Variants in ACADM observed in about 807,000 individuals in gnomAD.
ACADM encodes medium-chain specific acyl-CoA dehydrogenase, mitochondrial.
ACADM carries 49 observed loss-of-function variants against 58.9 expected under a neutral mutation model. The ratio of observed to expected loss-of-function variants is 0.83; its 90% CI spans 0.66 to 1.06. The LOEUF is 1.06. Among genes scored for constraint, ACADM ranks in the 50% least tolerant of loss-of-function variants. The pLI is 0.00. For missense variants in ACADM, 496 were observed against 507.0 expected (o/e 0.98, Z 0.21); for synonymous variants, 160 against 157.7 (o/e 1.01, Z -0.11).
intron 6 of ACADM, among the ~76,000 whole-genome samples, chr1:75,736,261 CAT>C (rs1220170922): frequency 6.6e-6 from 1 of 151,442 alleles, no homozygotes; most frequent in East Asian, 1.9e-4. Context: ...TTTACTCAAA[CAT>C]ATTTCAATCT....
rs1478830165 is a variant in ACADM, at chr1:75,734,820, T to C, written c.417T>C (p.Asp139=). 3.1e-6 allele frequency: 5 copies of C among 1,613,944 alleles called. No homozygotes were observed. The highest frequency in any genetic ancestry group is 4.2e-6 in the Non-Finnish European group (5 of 1,179,884). The change falls in exon 6 of 12, where the codon GAT becomes GAC. Residue 139 remains aspartate, a synonymous_variant. Coordinates refer to ENST00000370841, the MANE Select transcript of ACADM (RefSeq NM_000016.6). ...GQMPIIIAGN[D]QQKKKYLGRM... ...TGCCTATTATTATTGCTGGAAATGA[T>C]CAACAAAAGAAGAAGTATTTGGGGA...
chr1:75,726,163 C>T (rs1647052242), intron 1 of ACADM, among the ~76,000 whole-genome samples: 1 of 152,088 alleles, frequency 6.6e-6, no homozygotes, highest in Admixed American at 6.5e-5. Context: ...ATCCTAGCAC[C>T]TTGGGAGGCC....
intron 6 of ACADM, among the ~76,000 whole-genome samples, chr1:75,735,319 CAAAAA>C (rs33952162): frequency 9.8e-6 from 1 of 101,816 alleles, no homozygotes. Context: ...GACCCTGTCT[CAAAAA>C]AAAAAAAAAA....
rs1194135678 is a variant in ACADM, at chr1:75,754,024, G to C, written c.945+3478G>C. ...TTACCTAGGCTGGTCTCGAACTCCTGAGCTTGAGTAATCCGCCCATCTTGG... is the reference window on the plus strand; with the variant it reads ...TTACCTAGGCTGGTCTCGAACTCCTCAGCTTGAGTAATCCGCCCATCTTGG... On this transcript the variant is annotated intron_variant, in intron 10 of 11. Transcript: ENST00000370841. Among the ~76,000 whole-genome samples the C allele has an allele frequency of 6.2e-5, 9 of 146,138 alleles. No individual in the cohort carries two copies. In the East Asian group the frequency reaches 1.8e-3, roughly 29 times the overall value.
In ACADM at chr1:75,750,587, C is replaced by CAAATGTAAATAT; in HGVS notation, c.945+41_945+42insAAATGTAAATAT. On this transcript the variant is annotated intron_variant, in intron 10 of 11. Transcript: ENST00000370841. ...CTTGCTTTGTTCAAATGTAAAGACA[C>CAAATGTAAATAT]TCATTTTCATTTAATATTTAGAAAT... The CAAATGTAAATAT allele has an allele frequency of 2.4e-6, 3 of 1,267,700 alleles. No individual in the cohort carries two copies. The South Asian group carries it at 3.7e-5, about 16-fold the overall frequency. 78.5% of individuals were successfully genotyped at this position (1,267,700 alleles called of 1,614,324 possible).
In ACADM at chr1:75,735,319, C is replaced by CAAAAA. The variant is rs33952162; in HGVS notation, c.468+464_468+468dup. 7.9e-5 allele frequency among the ~76,000 whole-genome samples: 8 copies of CAAAAA among 101,806 alleles called. 1 individual carries two copies. Among genetic ancestry groups the CAAAAA allele is most frequent in the African/African-American group, 2.0e-4 (5 of 25,348 alleles). The allele number at this position is 101,806 out of a possible 152,430, so 66.8% of individuals were successfully genotyped here. A position where few individuals can be genotyped will look rare whatever the true frequency, so the allele number is the denominator to read the frequency against. ...CGACAGAGTGAGTGAGACCCTGTCT[C>CAAAAA]AAAAAAAAAAAAAAAAAAAAGGTGT... On this transcript the variant is annotated intron_variant, in intron 6 of 11. Coordinates refer to ENST00000370841, the MANE Select transcript of ACADM (RefSeq NM_000016.6).
At chr1:75,735,458 G>T (rs1647231279) in intron 6 of ACADM, among the ~76,000 whole-genome samples, 1 of 152,074 alleles carries the variant, frequency 6.6e-6, no homozygotes, top group Non-Finnish European at 1.5e-5. Context: ...GCTCTATTTA[G>T]TGGAGCATTC....
intron 10 of ACADM, among the ~76,000 whole-genome samples, chr1:75,758,833 C>G (rs1367221737): frequency 2.0e-5 from 3 of 151,598 alleles, no homozygotes; most frequent in Non-Finnish European, 4.4e-5. Context: ...GTAAAATGGA[C>G]CAATCAGCAG....
Position 75,724,847 on chromosome 1 carries a change from C to T in ACADM, c.30+30C>T, listed in dbSNP as rs757646242. The T allele has an allele frequency of 2.1e-6, 3 of 1,458,648 alleles. No individual in the cohort carries two copies. The African/African-American group carries it at 4.4e-5, about 21-fold the overall frequency. 90.4% of individuals were successfully genotyped at this position (1,458,648 alleles called of 1,614,324 possible). A position where few individuals can be genotyped will look rare whatever the true frequency, so the allele number is the denominator to read the frequency against. ...GAGGGAGCCCAGCGGTGCGGTGGGG[C>T]TGGAACATGGGTATTGTGGTGTCGG... On this transcript the variant is annotated intron_variant, in intron 1 of 11. Transcript: ENST00000370841.
intron 1 of ACADM, among the ~76,000 whole-genome samples, chr1:75,726,129 C>T (rs77473405): frequency 0.049 from 7,470 of 152,228 alleles, 277 homozygotes; most frequent in African/African-American, 0.11. Context: ...CTCGGTTGGC[C>T]AGGTGCGGCG....
chr1:75,739,097 C>G (rs1647427985), intron 6 of ACADM, among the ~76,000 whole-genome samples: 1 of 152,124 alleles, frequency 6.6e-6, no homozygotes, highest in African/African-American at 2.4e-5. Context: ...AACTCTGTTT[C>G]TTATCTTAGT....
intron 1 of ACADM, among the ~76,000 whole-genome samples, chr1:75,726,800 C>CT (rs748703972): frequency 0.24 from 28,340 of 119,798 alleles, 4,078 homozygotes; most frequent in Non-Finnish European, 0.31. Flanking sequence ...AACTGTTTCA[C>CT]TTTTTTTTTT....
chr1:75,745,835 A>T lies in ACADM; in HGVS notation c.629A>T (p.Asp210Val). 6.2e-7 allele frequency: 1 copy of T among 1,613,946 alleles called. No homozygotes were observed. Among genetic ancestry groups the T allele is most frequent in the South Asian group, 1.1e-5 (1 of 91,080 alleles). Residue 210 changes from aspartate to valine, a missense_variant, in exon 8 of 12, where the codon GAT becomes GTT. Transcript: ENST00000370841. Reference sequence around the variant, plus strand: ...TTTTTATTGGCACGTTCTGATCCAGATCCTAAAGCTCCTGCTAATAAAGCC... The same window carrying T: ...TTTTTATTGGCACGTTCTGATCCAGTTCCTAAAGCTCCTGCTAATAAAGCC... ...WYFLLARSDP[D>V]PKAPANKAFT...
At chr1:75,754,661 A>G (rs1353891254) in intron 10 of ACADM, among the ~76,000 whole-genome samples, 2 of 152,240 alleles carry the variant, frequency 1.3e-5, no homozygotes, top group Non-Finnish European at 2.9e-5. Context: ...AGATGGCTGA[A>G]TAGGAACAAC....
rs182934384 is a variant in ACADM at position 75,744,798 on chromosome 1, A to C, written c.600-1008A>C. Reference sequence around the variant, plus strand: ...ATCACGGCGGCCGGGTCTCCGTTTTATATTATTCCTTTTCACAGGCAGCTC... The same window carrying C: ...ATCACGGCGGCCGGGTCTCCGTTTTCTATTATTCCTTTTCACAGGCAGCTC... On this transcript the variant is annotated intron_variant, in intron 7 of 11. Transcript: ENST00000370841. The C allele has an allele frequency of 9.0e-4, 491 of 548,042 alleles. 3 individuals are homozygous for C. The East Asian group carries it at 0.01, about 12-fold the overall frequency. The allele number at this position is 548,042 out of a possible 1,614,324, so 33.9% of individuals were successfully genotyped here.
chr1:75,745,181 A>G lies in ACADM; in HGVS notation c.600-625A>G, dbSNP rs551114989. Among the ~76,000 whole-genome samples, 3 of 152,268 alleles carry G rather than the reference A, an allele frequency of 2.0e-5. No individual in the cohort carries two copies. The South Asian group carries it at 6.2e-4, about 32-fold the overall frequency. ...TAATAAAATAGAACTATAACAATGT[A>G]TTGTAATAAGTTATGTAAATGTAGG... is the stretch of plus-strand genomic sequence containing the variant. On this transcript the variant is annotated intron_variant, in intron 7 of 11. Coordinates refer to ENST00000370841, the MANE Select transcript of ACADM (RefSeq NM_000016.6).
intron 11 of ACADM, chr1:75,761,602 A>G: frequency 1.9e-6 from 1 of 531,804 alleles, no homozygotes; most frequent in South Asian, 2.3e-5. Flanking sequence ...CATGTGTATT[A>G]CGTTTGGATT....
rs1045472224 is a variant in ACADM, at chr1:75,734,265, G to A, written c.388-526G>A. On this transcript the variant is annotated intron_variant, in intron 5 of 11. Transcript: ENST00000370841. ...TGCAAGCTCCGCCTCCCAGGTTCAC[G>A]CCATTCTCCTGTCTCAGCCTCCCAA... 6.8e-5 allele frequency among the ~76,000 whole-genome samples: 10 copies of A among 147,116 alleles called. No individual in the cohort carries two copies. The South Asian group carries it at 1.1e-3, about 16-fold the overall frequency.
intron 7 of ACADM, chr1:75,743,356 G>A (rs1252435104): frequency 1.7e-5 from 26 of 1,560,124 alleles, no homozygotes; most frequent in Admixed American, 3.4e-5. Context: ...CCCATGAGGG[G>A]ACAGGGAGAA....
Sources: allele counts gnomAD v4.1 joint callset (sites outside exome capture counted in the v4.1 genomes callset), GRCh38; gene constraint gnomAD v4.1.1; transcripts MANE v1.5; gene names NCBI Gene and HGNC (gene_info 2026-07-23, HGNC 2026-07-21).